ADAMTSL1: variants seen among roughly 807,000 people sequenced by gnomAD.
ADAMTSL1 encodes ADAMTS like 1.
In ADAMTSL1, 126 loss-of-function variants were observed where a neutral mutation model predicts 201.8. That is an observed-to-expected ratio of 0.62 (90% CI 0.54 to 0.72). The LOEUF is 0.72. Among genes scored for constraint, ADAMTSL1 ranks in the 30% least tolerant of loss-of-function variants. The pLI, the probability that ADAMTSL1 is intolerant of heterozygous loss-of-function variation, is 0.00. For missense variants in ADAMTSL1, 2,679 were observed against 2,277.8 expected (o/e 1.18, Z -3.59); for synonymous variants, 1,121 against 903.4 (o/e 1.24, Z -4.32).
rs141465722 is a variant in ADAMTSL1 at position 18,114,369 on chromosome 9, A to G, written c.88-49493A>G. ...TCTAGAAAATGAGTTTGACCTGACG[A>G]GTTTGTGCTGCATATACCATGTGAG... is the stretch of plus-strand genomic sequence containing the variant. On this transcript the variant is annotated intron_variant, in intron 1 of 29. Transcript: ENST00000680146. Among the ~76,000 whole-genome samples the G allele has an allele frequency of 1.2e-4, 19 of 152,294 alleles. No homozygotes were observed. In the East Asian group the frequency reaches 3.3e-3, roughly 26 times the overall value.
At chr9:18,451,537 G>A (rs1038137516) in intron 2 of ADAMTSL1, among the ~76,000 whole-genome samples, 10 of 152,124 alleles carry the variant, frequency 6.6e-5, no homozygotes, top group Admixed American at 2.0e-4. Context: ...ACTTACATAA[G>A]CATTAGCTTA....
At chr9:18,285,144 A>C (rs536116434) in intron 2 of ADAMTSL1, among the ~76,000 whole-genome samples, 24 of 152,268 alleles carry the variant, frequency 1.6e-4, no homozygotes, top group African/African-American at 5.8e-4. Flanking sequence ...CCTACCAAAA[A>C]ATAAATATAT....
intron 2 of ADAMTSL1, among the ~76,000 whole-genome samples, chr9:18,229,465 A>T (rs1037000542): frequency 5.3e-5 from 8 of 151,666 alleles, no homozygotes; most frequent in African/African-American, 1.9e-4. Context: ...GTAGATGGAG[A>T]CAGATTTTAG....
chr9:18,029,718 C>G (rs1820858402), intron 1 of ADAMTSL1, among the ~76,000 whole-genome samples: 1 of 152,142 alleles, frequency 6.6e-6, no homozygotes, highest in African/African-American at 2.4e-5. Flanking sequence ...ACAAACAACC[C>G]CATCAAAAAG....
chr9:18,111,483 A>T (rs943468240), intron 1 of ADAMTSL1, among the ~76,000 whole-genome samples: 3 of 152,130 alleles, frequency 2.0e-5, no homozygotes, highest in African/African-American at 7.2e-5. Flanking sequence ...AAACTATTTT[A>T]TGTGCTTATT....
intron 1 of ADAMTSL1, among the ~76,000 whole-genome samples, chr9:17,945,492 T>A (rs1160619484): frequency 6.6e-6 from 1 of 151,764 alleles, no homozygotes; most frequent in Non-Finnish European, 1.5e-5. Context: ...TTATAAATCA[T>A]GTGGCTGTAA....
intron 3 of ADAMTSL1, among the ~76,000 whole-genome samples, chr9:18,545,855 G>A (rs1387951340): frequency 2.6e-5 from 4 of 152,146 alleles, no homozygotes; most frequent in African/African-American, 9.7e-5. Context: ...CCATGCCTAG[G>A]TTGCTAACGT....
intron 2 of ADAMTSL1, among the ~76,000 whole-genome samples, chr9:18,457,245 G>C (rs1176337015): frequency 1.3e-5 from 2 of 152,120 alleles, no homozygotes; most frequent in African/African-American, 4.8e-5. Context: ...TTTACAAAAG[G>C]GGAATAAATG....
intron 5 of ADAMTSL1, among the ~76,000 whole-genome samples, chr9:18,625,006 C>A (rs1199784312): frequency 6.6e-6 from 1 of 152,200 alleles, no homozygotes; most frequent in Non-Finnish European, 1.5e-5. Flanking sequence ...GAACAAACTG[C>A]CTCACTTATG....
intron 23 of ADAMTSL1, among the ~76,000 whole-genome samples, chr9:18,845,585 T>G (rs1051442974): frequency 6.6e-6 from 1 of 152,222 alleles, no homozygotes; most frequent in Non-Finnish European, 1.5e-5. Flanking sequence ...CACATTGCAG[T>G]TGGGCAGTGG....
intron 2 of ADAMTSL1, among the ~76,000 whole-genome samples, chr9:18,467,120 T>G (rs1587294949): frequency 6.6e-6 from 1 of 152,206 alleles, no homozygotes; most frequent in African/African-American, 2.4e-5. Context: ...TACAAGAGTT[T>G]GTAATCTTGA....
chr9:18,192,328 G>C (rs1426092488), intron 2 of ADAMTSL1, among the ~76,000 whole-genome samples: 2 of 152,018 alleles, frequency 1.3e-5, no homozygotes, highest in African/African-American at 4.8e-5. Context: ...TCTCTGTCCT[G>C]GGCAAAATCT....
At chr9:18,860,603 G>A (rs903131811) in intron 23 of ADAMTSL1, among the ~76,000 whole-genome samples, 1 of 151,870 alleles carries the variant, frequency 6.6e-6, no homozygotes, top group Non-Finnish European at 1.5e-5. Flanking sequence ...TTTTTGACAA[G>A]AGTGAAGAGT....
chr9:18,650,757 A>G (rs34498930), intron 7 of ADAMTSL1, among the ~76,000 whole-genome samples: 17,390 of 152,194 alleles, frequency 0.11, 1,300 homozygotes, highest in Non-Finnish European at 0.16. Context: ...TAAAAATTTT[A>G]AACTTGTTCC....
At chr9:18,771,251 A>G (rs2133719880) in intron 17 of ADAMTSL1, among the ~76,000 whole-genome samples, 1 of 152,324 alleles carries the variant, frequency 6.6e-6, no homozygotes, top group Non-Finnish European at 1.5e-5. Context: ...AGGCCAAGGA[A>G]ATCCTGCCTG....
At chr9:17,956,993 G>A (rs1167505002) in intron 1 of ADAMTSL1, among the ~76,000 whole-genome samples, 1 of 152,056 alleles carries the variant, frequency 6.6e-6, no homozygotes, top group African/African-American at 2.4e-5. Context: ...CTGCTAACAT[G>A]TATAATGAAA....
At chr9:18,546,419 T>G (rs1050207302) in intron 3 of ADAMTSL1, among the ~76,000 whole-genome samples, 13 of 152,010 alleles carry the variant, frequency 8.6e-5, no homozygotes, top group African/African-American at 3.1e-4. Flanking sequence ...TCAAGTGATC[T>G]TCTCATTAAA....
chr9:18,305,991 A>G (rs1234765918), intron 2 of ADAMTSL1, among the ~76,000 whole-genome samples: 1 of 152,198 alleles, frequency 6.6e-6, no homozygotes, highest in Non-Finnish European at 1.5e-5. Context: ...CCCCTCTGGG[A>G]CAAAGCTTCC....
chr9:18,567,991 A>C (rs956263128), intron 3 of ADAMTSL1, among the ~76,000 whole-genome samples: 1 of 152,186 alleles, frequency 6.6e-6, no homozygotes, highest in African/African-American at 2.4e-5. Context: ...TACTATAACA[A>C]CATGCTGTAA....
Sources: gnomAD v4.1 joint callset for allele counts (sites outside exome capture counted in the v4.1 genomes callset) on GRCh38, gnomAD v4.1.1 for gene constraint, MANE v1.5 for transcripts, NCBI Gene and HGNC (gene_info 2026-07-23, HGNC 2026-07-21) for gene names.